NRG1: variants seen among roughly 807,000 people sequenced by gnomAD.
NRG1 encodes neuregulin 1, also known as pro-neuregulin-1, membrane-bound isoform.
A neutral mutation model predicts 63.8 loss-of-function variants in NRG1; 18 were observed. The ratio of observed to expected loss-of-function variants is 0.28; its 90% CI spans 0.19 to 0.42. The LOEUF is 0.42. NRG1 is among the 10% of genes least tolerant of loss of function. NRG1 has a pLI of 1.00. For missense variants in NRG1, 762 were observed against 814.7 expected (o/e 0.94, Z 0.79); for synonymous variants, 302 against 301.3 (o/e 1.00, Z -0.02).
intron 1 of NRG1, among the ~76,000 whole-genome samples, chr8:32,468,350 C>A (rs1479824300): frequency 1.3e-5 from 2 of 152,114 alleles, no homozygotes; most frequent in South Asian, 4.1e-4. Context: ...CTTGAGAAAA[C>A]CCTTTCAGTC....
At chr8:31,990,603 T>C (rs1425658443) in intron 1 of NRG1, among the ~76,000 whole-genome samples, 8 of 152,240 alleles carry the variant, frequency 5.3e-5, no homozygotes, top group Admixed American at 2.6e-4. Context: ...GTTTGTTTTC[T>C]TTATTTGACA....
chr8:32,142,968 T>G (rs544083628), intron 1 of NRG1, among the ~76,000 whole-genome samples: 1 of 152,328 alleles, frequency 6.6e-6, no homozygotes, highest in African/African-American at 2.4e-5. Context: ...AAGGTCTTAG[T>G]GTGGTAAACG....
intron 1 of NRG1, among the ~76,000 whole-genome samples, chr8:32,314,017 A>T (rs1857099662): frequency 1.3e-5 from 2 of 152,138 alleles, no homozygotes; most frequent in Non-Finnish European, 2.9e-5. Flanking sequence ...ACTACCCTTA[A>T]TCAGCTTTTT....
intron 1 of NRG1, among the ~76,000 whole-genome samples, chr8:32,083,936 T>A (rs1053776930): frequency 2.6e-5 from 4 of 152,134 alleles, no homozygotes; most frequent in African/African-American, 9.7e-5. Context: ...TTGAAAGTAA[T>A]AGAGAGAAAC....
At chr8:31,807,183 C>G (rs531460199) in intron 1 of NRG1, among the ~76,000 whole-genome samples, 9 of 152,162 alleles carry the variant, frequency 5.9e-5, no homozygotes, top group Admixed American at 3.3e-4. Context: ...AATTTTCTTT[C>G]AACATGGCAA....
At chr8:32,748,639 C>A in intron 7 of NRG1, 1 of 450,510 alleles carries the variant, frequency 2.2e-6, no homozygotes, top group African/African-American at 2.0e-5. Context: ...CTTCCCTGGG[C>A]AGCCCTGCAG....
chr8:32,015,020 A>C (rs1289251609), intron 1 of NRG1, among the ~76,000 whole-genome samples: 3 of 152,106 alleles, frequency 2.0e-5, no homozygotes, highest in Admixed American at 2.0e-4. Flanking sequence ...TGCAAAAGGA[A>C]CGAACCCTGC....
chr8:32,219,727 G>A (rs1845614138), intron 1 of NRG1, among the ~76,000 whole-genome samples: 1 of 152,152 alleles, frequency 6.6e-6, no homozygotes, highest in African/African-American at 2.4e-5. Context: ...TTCATTCGGG[G>A]AATTTCATCT....
intron 1 of NRG1, among the ~76,000 whole-genome samples, chr8:31,732,971 C>T (rs1357380670): frequency 6.6e-6 from 1 of 152,214 alleles, no homozygotes; most frequent in East Asian, 1.9e-4. Context: ...TATGTCCCCA[C>T]CCTTCTGAGT....
In NRG1 at chr8:32,093,880, G is replaced by A. The variant is rs1371055841; in HGVS notation, c.37+454449G>A. Among the ~76,000 whole-genome samples the A allele has an allele frequency of 2.6e-5, 4 of 152,152 alleles. No individual in the cohort carries two copies. The East Asian group carries it at 7.7e-4, about 29-fold the overall frequency. Reference sequence around the variant, plus strand: ...CTTTCCTGGTCATCAAGATGTGGATGTACCTCTCTTGAAATTCTTACTCAC... The same window carrying A: ...CTTTCCTGGTCATCAAGATGTGGATATACCTCTCTTGAAATTCTTACTCAC... On this transcript the variant is annotated intron_variant, in intron 1 of 10. Transcript: ENST00000519301.
At chr8:32,540,025 A>C (rs548619354) in intron 1 of NRG1, among the ~76,000 whole-genome samples, 3 of 152,338 alleles carry the variant, frequency 2.0e-5, no homozygotes, top group South Asian at 2.1e-4. Context: ...AAACAAAAAA[A>C]ATCTGAGAGT....
chr8:31,751,588 C>A (rs1436675493), intron 1 of NRG1, among the ~76,000 whole-genome samples: 1 of 151,972 alleles, frequency 6.6e-6, no homozygotes, highest in Non-Finnish European at 1.5e-5. Context: ...GAATCAAAGA[C>A]TGTAACATGA....
chr8:31,926,114 G>C (rs1040737026), intron 1 of NRG1, among the ~76,000 whole-genome samples: 2 of 152,160 alleles, frequency 1.3e-5, no homozygotes, highest in African/African-American at 2.4e-5. Context: ...AGATAGACCA[G>C]CTTGATGCAG....
intron 5 of NRG1, among the ~76,000 whole-genome samples, chr8:32,695,383 G>T (rs1397275786): frequency 1.3e-5 from 2 of 151,780 alleles, no homozygotes; most frequent in Admixed American, 6.6e-5. Context: ...GAGAGAGAGA[G>T]AGAGGAAGGA....
intron 1 of NRG1, among the ~76,000 whole-genome samples, chr8:31,733,397 C>T (rs1814319639): frequency 6.6e-6 from 1 of 152,076 alleles, no homozygotes; most frequent in Non-Finnish European, 1.5e-5. Flanking sequence ...TTACAAAATC[C>T]TGCCACTGTA....
intron 5 of NRG1, among the ~76,000 whole-genome samples, chr8:32,679,177 ATCTAT>A (rs1283978496): frequency 6.6e-6 from 1 of 152,112 alleles, no homozygotes; most frequent in African/African-American, 2.4e-5. Context: ...ATAATAAGCT[ATCTAT>A]TCTAGACAAA....
Position 32,361,017 on chromosome 8 carries a change from T to C in NRG1, c.38-234811T>C, listed in dbSNP as rs569198211. On this transcript the variant is annotated intron_variant, in intron 1 of 10. Coordinates refer to the NRG1 transcript ENST00000519301. ...CCACCTCTGCCACTGGTGTATGATC[T>C]TCAGAAATGAACTTGGCTGTCCGAA... 1.4e-4 allele frequency among the ~76,000 whole-genome samples: 22 copies of C among 152,310 alleles called. No homozygotes were observed. The South Asian group carries it at 3.9e-3, about 27-fold the overall frequency.
chr8:31,796,168 A>G (rs1821184446), intron 1 of NRG1, among the ~76,000 whole-genome samples: 1 of 152,176 alleles, frequency 6.6e-6, no homozygotes, highest in South Asian at 2.1e-4. Flanking sequence ...ACATTCTCAT[A>G]TGTTAAGACC....
At chr8:31,656,621 G>C (rs1805458846) in intron 1 of NRG1, among the ~76,000 whole-genome samples, 1 of 152,172 alleles carries the variant, frequency 6.6e-6, no homozygotes, top group African/African-American at 2.4e-5. Context: ...CCAATGGATA[G>C]TTTGTATAAA....
Sources: allele counts gnomAD v4.1 joint callset (sites outside exome capture counted in the v4.1 genomes callset), GRCh38; gene constraint gnomAD v4.1.1; transcripts MANE v1.5; gene names NCBI Gene and HGNC (gene_info 2026-07-23, HGNC 2026-07-21).